CLEC16A: variants seen among roughly 807,000 people sequenced by gnomAD.
The protein encoded by CLEC16A is C-type lectin domain containing 16A.
CLEC16A carries 51 observed loss-of-function variants against 109.5 expected under a neutral mutation model. That is an observed-to-expected ratio of 0.47 (90% CI 0.37 to 0.59). The LOEUF (loss-of-function observed/expected upper bound fraction) is 0.59, where lower values mean the gene tolerates loss of function less well. CLEC16A is among the 20% of genes least tolerant of loss of function. The probability of loss-of-function intolerance (pLI) is 0.00; values close to 1 mark genes in which losing one functional copy is unlikely to be tolerated. For synonymous variants in CLEC16A, 673 were observed against 564.2 expected, an observed-to-expected ratio of 1.19 and a Z score of -2.73; for missense variants, 1,339 against 1,394.0, an observed-to-expected ratio of 0.96 and a Z score of 0.63.
intron 22 of CLEC16A, among the ~76,000 whole-genome samples, chr16:11,144,182 T>C (rs763452191): frequency 6.6e-6 from 1 of 152,148 alleles, no homozygotes; most frequent in African/African-American, 2.4e-5. Flanking sequence ...TCTCTGAAAC[T>C]TGGTAGGGAA....
At chr16:11,077,793 A>G (rs2049464783) in intron 19 of CLEC16A, among the ~76,000 whole-genome samples, 1 of 152,126 alleles carries the variant, frequency 6.6e-6, no homozygotes, top group Non-Finnish European at 1.5e-5. Context: ...ATGAATGTCA[A>G]ATGTTGTTCA....
chr16:10,949,411 G>A (rs773686288), intron 1 of CLEC16A, among the ~76,000 whole-genome samples: 1 of 152,230 alleles, frequency 6.6e-6, no homozygotes, highest in East Asian at 1.9e-4. Flanking sequence ...GGAGACCAAC[G>A]GGGTGAGTCG....
At chr16:11,143,951 A>G (rs578224249) in intron 22 of CLEC16A, among the ~76,000 whole-genome samples, 13 of 152,014 alleles carry the variant, frequency 8.6e-5, no homozygotes, top group African/African-American at 3.1e-4. Flanking sequence ...CTTATTCCCT[A>G]TCCTGTGTTG....
chr16:11,131,389 A>G (rs1013020611), intron 22 of CLEC16A, among the ~76,000 whole-genome samples: 9 of 152,204 alleles, frequency 5.9e-5, no homozygotes, highest in African/African-American at 2.2e-4. Flanking sequence ...GTTCCCCAGA[A>G]ATGACCCAGG....
At chr16:11,110,701 G>T (rs1304423048) in intron 19 of CLEC16A, among the ~76,000 whole-genome samples, 1 of 152,178 alleles carries the variant, frequency 6.6e-6, no homozygotes, top group East Asian at 1.9e-4. Flanking sequence ...TGTGATGCAT[G>T]CTGGGCACAG....
At chr16:11,177,911 A>G (rs1397453043) in intron 23 of CLEC16A, among the ~76,000 whole-genome samples, 1 of 150,566 alleles carries the variant, frequency 6.6e-6, no homozygotes, top group Non-Finnish European at 1.5e-5. Context: ...CATCAAATGT[A>G]TACTCTGGAA....
chr16:10,955,686 C>A (rs1000423009), intron 1 of CLEC16A, among the ~76,000 whole-genome samples: 10 of 152,184 alleles, frequency 6.6e-5, no homozygotes, highest in African/African-American at 2.2e-4. Flanking sequence ...CCTAAGCCAC[C>A]GTCTCCCATT....
chr16:11,048,041 A>G (rs2047725799), intron 17 of CLEC16A: 1 of 152,412 alleles, frequency 6.6e-6, no homozygotes, highest in Middle Eastern at 3.4e-3. Flanking sequence ...GTGTCTCACC[A>G]TTCAAGGTGC....
At position 11,178,565 on chromosome 16, in the gene CLEC16A, G is replaced by C; in HGVS notation, c.3037G>C (p.Val1013Leu). 3 of 1,612,060 alleles carry C rather than the reference G, an allele frequency of 1.9e-6. No homozygotes were observed. The highest frequency in any genetic ancestry group is 1.7e-6 in the Non-Finnish European group (2 of 1,179,788). Residue 1013 changes from valine to leucine, a missense_variant, in exon 24 of 24, where the codon GTT becomes CTT. Physicochemically the swap from Val to Leu is conservative, Grantham distance 32. This residue lies in a region of CLEC16A where 1,061 missense variants were observed against 1,006.8 expected (regional missense o/e 1.05). Transcript: ENST00000409790. The surrounding 1 kb of genome is among the most constrained non-coding windows in gnomAD (Gnocchi z 6.5). ...SVESLTLVPP[V>L]DPHSLRSLTG... is the part of the protein sequence containing the mutation. ...CGAATCGCTGACCCTTGTCCCCCCA[G>C]TTGACCCCCACAGCCTCCGCAGCCT...
At chr16:11,148,505 G>C (rs567931281) in intron 22 of CLEC16A, among the ~76,000 whole-genome samples, 4 of 152,292 alleles carry the variant, frequency 2.6e-5, no homozygotes, top group African/African-American at 9.6e-5. Flanking sequence ...TCCTCACAAT[G>C]ATGTATGACA....
Position 11,033,539 on chromosome 16 carries a change from C to A in CLEC16A, c.1538-6215C>A, listed in dbSNP as rs114348768. 7.3e-3 allele frequency among the ~76,000 whole-genome samples: 1,109 copies of A among 152,260 alleles called. 15 individuals carry two copies. Among genetic ancestry groups the A allele is most frequent in the African/African-American group, 0.025 (1,058 of 41,550 alleles). ...AGCACAGAGTCTGCATTTGGTGGGG[C>A]TTTGCTGGTGGAGGTTGGTTGAGTG... On this transcript the variant is annotated intron_variant, in intron 13 of 23. Transcript: ENST00000409790.
chr16:11,121,813 G>C (rs560711687), intron 20 of CLEC16A, among the ~76,000 whole-genome samples: 3 of 143,996 alleles, frequency 2.1e-5, no homozygotes, highest in African/African-American at 7.8e-5. Flanking sequence ...CCAGGAGGCA[G>C]AGGATGCAGT....
chr16:10,949,022 T>G (rs2041584059), intron 1 of CLEC16A, among the ~76,000 whole-genome samples: 1 of 152,144 alleles, frequency 6.6e-6, no homozygotes, highest in Non-Finnish European at 1.5e-5. Context: ...CATTCCTCAC[T>G]CATATTCCCT....
intron 10 of CLEC16A, among the ~76,000 whole-genome samples, chr16:10,995,881 G>A (rs1425648532): frequency 6.6e-6 from 1 of 152,200 alleles, no homozygotes; most frequent in African/African-American, 2.4e-5. Flanking sequence ...GTTTGAGGAA[G>A]CATCCTCAGA....
At chr16:11,059,313 C>T (rs1374407214) in intron 18 of CLEC16A, among the ~76,000 whole-genome samples, 2 of 152,216 alleles carry the variant, frequency 1.3e-5, no homozygotes, top group African/African-American at 2.4e-5. Flanking sequence ...CAATCAGATA[C>T]GAATGCTACC....
intron 22 of CLEC16A, among the ~76,000 whole-genome samples, chr16:11,147,812 A>T (rs1317400621): frequency 6.6e-6 from 1 of 152,244 alleles, no homozygotes; most frequent in Non-Finnish European, 1.5e-5. Context: ...ATCATAAAAT[A>T]GTTCAATGTA....
chr16:11,160,510 C>T (rs1042789037), intron 22 of CLEC16A, among the ~76,000 whole-genome samples: 8 of 152,096 alleles, frequency 5.3e-5, no homozygotes, highest in African/African-American at 1.9e-4. Context: ...CCTCACTTGC[C>T]CCTTTCCCTC....
At chr16:11,038,007 G>C (rs9923455) in intron 13 of CLEC16A, among the ~76,000 whole-genome samples, 60,076 of 151,934 alleles carry the variant, frequency 0.4, 12,022 homozygotes, top group Middle Eastern at 0.46. Flanking sequence ...TCACTGCAAT[G>C]AAATTTTTTG....
chr16:11,059,473 G>A (rs367630930), intron 18 of CLEC16A, among the ~76,000 whole-genome samples: 9 of 152,314 alleles, frequency 5.9e-5, no homozygotes, highest in African/African-American at 1.9e-4. Flanking sequence ...TCTCCCACTG[G>A]TTAGGGCGCA....
Sources: allele counts gnomAD v4.1 joint callset (sites outside exome capture counted in the v4.1 genomes callset), GRCh38; gene constraint gnomAD v4.1.1; regional missense constraint gnomAD v4.1.1; non-coding constraint Gnocchi (gnomAD v3.1); transcripts MANE v1.5; gene names NCBI Gene and HGNC (gene_info 2026-07-23, HGNC 2026-07-21).